Variants in CDH18 observed in about 807,000 individuals in gnomAD.
CDH18 encodes cadherin 18, also known as cadherin-18.
CDH18 carries 31 observed loss-of-function variants against 67.9 expected under a neutral mutation model. The ratio of observed to expected loss-of-function variants is 0.46; its 90% confidence interval spans 0.34 to 0.62. CDH18 has a LOEUF of 0.62. Among genes scored for constraint, CDH18 ranks in the 20% least tolerant of loss-of-function variants. The pLI, the probability that CDH18 is intolerant of heterozygous loss-of-function variation, is 0.01. For missense variants in CDH18, 890 were observed against 975.5 expected (o/e 0.91, Z 1.17); for synonymous variants, 362 against 347.2 (o/e 1.04, Z -0.48).
At chr5:20,545,255 T>A (rs1440377270) in intron 1 of CDH18, among the ~76,000 whole-genome samples, 1 of 152,178 alleles carries the variant, frequency 6.6e-6, no homozygotes, top group Non-Finnish European at 1.5e-5. Flanking sequence ...TCTAGGTTCA[T>A]GGTGCAAGTT....
intron 1 of CDH18, among the ~76,000 whole-genome samples, chr5:20,339,832 A>G (rs1740105336): frequency 6.6e-6 from 1 of 152,212 alleles, no homozygotes; most frequent in Non-Finnish European, 1.5e-5. Context: ...CTCTCTTGGA[A>G]AGATTTTATG....
intron 11 of CDH18, among the ~76,000 whole-genome samples, chr5:19,494,667 C>A (rs1013312730): frequency 6.6e-6 from 1 of 152,162 alleles, no homozygotes; most frequent in Non-Finnish European, 1.5e-5. Flanking sequence ...ACTAACTTGA[C>A]CCCTGCCATG....
intron 3 of CDH18, among the ~76,000 whole-genome samples, chr5:19,802,510 A>C (rs923159004): frequency 6.6e-6 from 1 of 152,212 alleles, no homozygotes; most frequent in Non-Finnish European, 1.5e-5. Flanking sequence ...AACAGATAAG[A>C]TAAAATAACA....
chr5:19,909,637 AT>A lies in CDH18; in HGVS notation c.-256-70396del, dbSNP rs539111094. Among the ~76,000 whole-genome samples the A allele has an allele frequency of 5.3e-3, 813 of 152,164 alleles. 10 individuals carry two copies. The highest frequency in any genetic ancestry group is 0.021 in the Middle Eastern group (6 of 292). On this transcript the variant is annotated intron_variant, in intron 2 of 12. Coordinates refer to ENST00000382275, the MANE Select transcript of CDH18 (RefSeq NM_004934.5). ...TTTGGTGAATGCTTTTATTATATTA[AT>A]AATTATTACAGCATTAGAAGTCTGA... is the stretch of plus-strand genomic sequence containing the variant.
At chr5:20,551,828 G>A (rs1476249839) in intron 1 of CDH18, among the ~76,000 whole-genome samples, 1 of 151,924 alleles carries the variant, frequency 6.6e-6, no homozygotes, top group Non-Finnish European at 1.5e-5. Flanking sequence ...CTGTAAGTCA[G>A]TGGAGTTAAA....
At chr5:19,588,318 G>A (rs367782567) in intron 7 of CDH18, among the ~76,000 whole-genome samples, 16 of 151,726 alleles carry the variant, frequency 1.1e-4, no homozygotes, top group African/African-American at 2.2e-4. Context: ...CTTTATAAGC[G>A]AAGGAGAAAT....
intron 12 of CDH18, among the ~76,000 whole-genome samples, chr5:19,482,126 A>AT (rs1442844391): frequency 6.6e-6 from 1 of 151,480 alleles, no homozygotes; most frequent in Admixed American, 6.6e-5. Flanking sequence ...TATTATTATT[A>AT]TTTTTTTGAG....
intron 2 of CDH18, among the ~76,000 whole-genome samples, chr5:19,867,676 CATAATATGT>C (rs1785711420): frequency 5.2e-4 from 2 of 3,834 alleles, no homozygotes; most frequent in African/African-American, 1.6e-3. Flanking sequence ...AATATATATG[CATAATATGT>C]ATAATAAGAT....
At position 19,707,237 on chromosome 5, in the gene CDH18, G is replaced by A. The variant is rs146479893; in HGVS notation, c.643+14110C>T. On this transcript the variant is annotated intron_variant, in intron 5 of 12. Transcript: ENST00000382275. ...ACCCCAACTGTCACGAGCAACACCCGTTGAACACAGCCACCTACCTGGGGA... is the reference window on the plus strand; with the variant it reads ...ACCCCAACTGTCACGAGCAACACCCATTGAACACAGCCACCTACCTGGGGA... Among the ~76,000 whole-genome samples the A allele has an allele frequency of 1.8e-4, 27 of 152,242 alleles. 1 individual carries two copies. In the East Asian group the frequency reaches 2.9e-3, roughly 16 times the overall value.
intron 8 of CDH18, among the ~76,000 whole-genome samples, chr5:19,565,283 G>T (rs934662372): frequency 1.3e-5 from 2 of 152,114 alleles, no homozygotes; most frequent in Admixed American, 6.5e-5. Flanking sequence ...GTGCAGTCTT[G>T]GTATTGGTGG....
intron 2 of CDH18, among the ~76,000 whole-genome samples, chr5:19,862,457 T>A (rs1375300409): frequency 6.6e-6 from 1 of 152,164 alleles, no homozygotes; most frequent in Non-Finnish European, 1.5e-5. Flanking sequence ...AGTACAAACA[T>A]ACGATTCAAA....
At chr5:19,998,817 T>A (rs1402448241) in intron 2 of CDH18, among the ~76,000 whole-genome samples, 2 of 152,146 alleles carry the variant, frequency 1.3e-5, no homozygotes, top group Non-Finnish European at 2.9e-5. Context: ...ATATTAACTT[T>A]GGTAGCATAA....
At chr5:19,804,678 G>C (rs1482793601) in intron 3 of CDH18, among the ~76,000 whole-genome samples, 1 of 152,150 alleles carries the variant, frequency 6.6e-6, no homozygotes, top group Non-Finnish European at 1.5e-5. Flanking sequence ...ACAGATAAGA[G>C]ATCAGGATGA....
At chr5:19,684,637 A>G in intron 5 of CDH18, among the ~76,000 whole-genome samples, 1 of 152,026 alleles carries the variant, frequency 6.6e-6, no homozygotes, top group Non-Finnish European at 1.5e-5. Flanking sequence ...CAATAAAACT[A>G]CATGTTTAAA....
At chr5:19,757,492 A>T (rs1349989639) in intron 3 of CDH18, among the ~76,000 whole-genome samples, 1 of 152,172 alleles carries the variant, frequency 6.6e-6, no homozygotes, top group Non-Finnish European at 1.5e-5. Context: ...ATCCCTGCCA[A>T]CATGGCCACT....
chr5:20,007,799 A>C (rs1737041254), intron 2 of CDH18, among the ~76,000 whole-genome samples: 1 of 151,924 alleles, frequency 6.6e-6, no homozygotes, highest in African/African-American at 2.4e-5. Context: ...GTTAAGAAAA[A>C]TCAAAATAAG....
chr5:20,344,692 A>G (rs1740559072), intron 1 of CDH18, among the ~76,000 whole-genome samples: 1 of 151,954 alleles, frequency 6.6e-6, no homozygotes, highest in African/African-American at 2.4e-5. Context: ...CAAGAAACTC[A>G]TTTCCCTCAG....
intron 1 of CDH18, among the ~76,000 whole-genome samples, chr5:20,456,757 T>C (rs913908239): frequency 2.0e-5 from 3 of 152,150 alleles, no homozygotes; most frequent in African/African-American, 7.2e-5. Flanking sequence ...ATAGTACATA[T>C]ATTTGCAGAT....
At chr5:20,354,459 G>A (rs997366885) in intron 1 of CDH18, among the ~76,000 whole-genome samples, 7 of 151,960 alleles carry the variant, frequency 4.6e-5, no homozygotes, top group East Asian at 1.9e-4. Context: ...CCAACACCCC[G>A]GCTGCAGTAC....
Sources: gnomAD v4.1 joint callset for allele counts (sites outside exome capture counted in the v4.1 genomes callset) on GRCh38, gnomAD v4.1.1 for gene constraint, MANE v1.5 for transcripts, NCBI Gene and HGNC (gene_info 2026-07-23, HGNC 2026-07-21) for gene names.